The following CSMD3 variants were observed in gnomAD, a reference collection of about 807,000 sequenced individuals.
The protein encoded by CSMD3 is CUB and Sushi multiple domains 3.
Under a neutral mutation model 435.2 loss-of-function variants are expected in CSMD3, and 177 were observed. That is an observed-to-expected ratio of 0.41 (90% CI 0.36 to 0.46). CSMD3 has a LOEUF of 0.46. CSMD3 is among the 20% of genes least tolerant of loss of function. The pLI is 0.34. For missense variants in CSMD3, 4,265 were observed against 4,504.6 expected (o/e 0.95, Z 1.52); for synonymous variants, 1,656 against 1,520.5 (o/e 1.09, Z -2.07).
intron 1 of CSMD3, among the ~76,000 whole-genome samples, chr8:113,361,628 G>T (rs117431495): frequency 1.3e-5 from 2 of 151,980 alleles, no homozygotes; most frequent in African/African-American, 4.8e-5. Context: ...CCAATGTACT[G>T]TTATTTTATC....
intron 32 of CSMD3, among the ~76,000 whole-genome samples, chr8:112,447,699 C>G (rs1181879270): frequency 6.6e-6 from 1 of 152,098 alleles, no homozygotes; most frequent in Non-Finnish European, 1.5e-5. Context: ...AAAATACATG[C>G]AAAATACCAT....
At chr8:113,004,521 A>T (rs2085983018) in intron 6 of CSMD3, among the ~76,000 whole-genome samples, 1 of 152,040 alleles carries the variant, frequency 6.6e-6, no homozygotes, top group African/African-American at 2.4e-5. Flanking sequence ...TTGCAAAATA[A>T]GATTGTCATA....
intron 22 of CSMD3, among the ~76,000 whole-genome samples, chr8:112,622,111 G>T (rs1023068675): frequency 3.3e-5 from 5 of 152,148 alleles, no homozygotes; most frequent in African/African-American, 7.2e-5. Flanking sequence ...CTGAATTGAA[G>T]ATGTCTTAAT....
chr8:112,454,943 T>C (rs1816677456), intron 32 of CSMD3, among the ~76,000 whole-genome samples: 1 of 151,596 alleles, frequency 6.6e-6, no homozygotes, highest in Admixed American at 6.6e-5. Context: ...AGTGGGAAAA[T>C]GACTTGAGCC....
chr8:112,371,686 G>A (rs1418760106), intron 38 of CSMD3, among the ~76,000 whole-genome samples: 6 of 151,998 alleles, frequency 3.9e-5, no homozygotes, highest in South Asian at 2.1e-4. Flanking sequence ...TCAGGAGTTC[G>A]AGAACAGCCT....
chr8:112,755,186 C>T (rs2132120548), intron 13 of CSMD3, among the ~76,000 whole-genome samples: 1 of 152,014 alleles, frequency 6.6e-6, no homozygotes, highest in Middle Eastern at 3.4e-3. Flanking sequence ...AAAAAATTAG[C>T]CGGGCGTGGT....
intron 1 of CSMD3, among the ~76,000 whole-genome samples, chr8:113,358,255 T>C (rs2094246381): frequency 6.6e-6 from 1 of 152,224 alleles, no homozygotes; most frequent in Non-Finnish European, 1.5e-5. Context: ...TAAAAACAAG[T>C]GTAGAAAATT....
intron 13 of CSMD3, among the ~76,000 whole-genome samples, chr8:112,749,979 C>A (rs2077529319): frequency 6.6e-6 from 1 of 151,730 alleles, no homozygotes; most frequent in South Asian, 2.1e-4. Flanking sequence ...AAGAGAATAC[C>A]CAGTAGTAAT....
intron 22 of CSMD3, among the ~76,000 whole-genome samples, chr8:112,621,258 T>A (rs1309454594): frequency 6.6e-6 from 1 of 151,944 alleles, no homozygotes; most frequent in African/African-American, 2.4e-5. Context: ...AATTAATTAA[T>A]ATAAAAATAA....
chr8:112,330,944 C>G (rs981874291), intron 45 of CSMD3, among the ~76,000 whole-genome samples: 1 of 151,952 alleles, frequency 6.6e-6, no homozygotes, highest in Non-Finnish European at 1.5e-5. Context: ...ATTTTGAACT[C>G]CAGCCAGCCC....
chr8:112,445,153 G>A (rs1815453892), intron 32 of CSMD3, among the ~76,000 whole-genome samples: 1 of 152,116 alleles, frequency 6.6e-6, no homozygotes, highest in Non-Finnish European at 1.5e-5. Context: ...TGAGACACGA[G>A]AATCCCTTGA....
At chr8:113,153,373 A>T (rs1434975502) in intron 4 of CSMD3, among the ~76,000 whole-genome samples, 2 of 152,108 alleles carry the variant, frequency 1.3e-5, no homozygotes, top group Non-Finnish European at 2.9e-5. Flanking sequence ...AAAGAGTAAT[A>T]TGCCAAGATG....
chr8:113,000,792 G>C (rs1297921375), intron 6 of CSMD3, among the ~76,000 whole-genome samples: 1 of 151,870 alleles, frequency 6.6e-6, no homozygotes, highest in Non-Finnish European at 1.5e-5. Context: ...TGTCAACTAT[G>C]ACTCCAGCTT....
rs2130914130 is a variant in CSMD3 at position 112,503,778 on chromosome 8, G to A, written c.5083+12C>T. 1.3e-6 allele frequency: 2 copies of A among 1,577,904 alleles called. No homozygotes were observed. Among genetic ancestry groups the A allele is most frequent in the Non-Finnish European group, 8.7e-7 (1 of 1,148,358 alleles). ...TTAAATCATGATACTAACATGGAAT[G>A]TTCATATTTACCTTTGTATTCTAGA... On this transcript the variant is annotated intron_variant, in intron 30 of 70. Coordinates refer to ENST00000297405, the MANE Select transcript of CSMD3 (RefSeq NM_198123.2).
At chr8:112,702,383 C>T (rs543303983) in intron 13 of CSMD3, among the ~76,000 whole-genome samples, 6 of 152,154 alleles carry the variant, frequency 3.9e-5, no homozygotes, top group East Asian at 3.9e-4. Flanking sequence ...GTATATGGTC[C>T]GCTTAATACA....
At chr8:112,543,750 A>T (rs1185781247) in intron 27 of CSMD3, among the ~76,000 whole-genome samples, 1 of 152,172 alleles carries the variant, frequency 6.6e-6, no homozygotes, top group East Asian at 1.9e-4. Flanking sequence ...AATAATAAAA[A>T]TGAGGATCTC....
At chr8:113,175,255 A>G (rs2092330466) in intron 3 of CSMD3, among the ~76,000 whole-genome samples, 1 of 151,860 alleles carries the variant, frequency 6.6e-6, no homozygotes, top group Non-Finnish European at 1.5e-5. Flanking sequence ...AAAATCACAG[A>G]TTAATTTCCA....
At chr8:113,209,446 T>C (rs1490601720) in intron 3 of CSMD3, among the ~76,000 whole-genome samples, 1 of 152,176 alleles carries the variant, frequency 6.6e-6, no homozygotes, top group African/African-American at 2.4e-5. Context: ...CAAGTGTTGC[T>C]AGTGCCGTGC....
chr8:112,531,002 C>T (rs1825473917), intron 27 of CSMD3, among the ~76,000 whole-genome samples: 1 of 152,096 alleles, frequency 6.6e-6, no homozygotes, highest in African/African-American at 2.4e-5. Context: ...GCTTATGATG[C>T]AACCCAGTGT....
Sources: gnomAD v4.1 joint callset for allele counts (sites outside exome capture counted in the v4.1 genomes callset) on GRCh38, gnomAD v4.1.1 for gene constraint, MANE v1.5 for transcripts, NCBI Gene and HGNC (gene_info 2026-07-23, HGNC 2026-07-21) for gene names.